PIK3C3: variants seen among roughly 807,000 people sequenced by gnomAD.
The protein encoded by PIK3C3 is PI3-kinase type 3.
Under a neutral mutation model 126.1 loss-of-function variants are expected in PIK3C3, and 95 were observed. The ratio of observed to expected loss-of-function variants is 0.75; its 90% CI spans 0.64 to 0.89. The LOEUF (loss-of-function observed/expected upper bound fraction) is 0.89. Ranked by LOEUF, PIK3C3 falls within the 40% of genes least tolerant of loss-of-function variation. PIK3C3 has a pLI of 0.00. For synonymous variants in PIK3C3, 374 were observed against 360.0 expected (o/e 1.04, Z -0.44); for missense variants, 829 against 1,063.2 (o/e 0.78, Z 3.06).
rs533747289 is a variant in PIK3C3, at chr18:42,010,488, C to A, written c.1171-2954C>A. Among the ~76,000 whole-genome samples, 33 of 152,278 alleles carry A rather than the reference C, an allele frequency of 2.2e-4. No individual in the cohort carries two copies. In the South Asian group the frequency reaches 4.8e-3, roughly 22 times the overall value. On this transcript the variant is annotated intron_variant, in intron 10 of 24. Coordinates refer to ENST00000262039, the MANE Select transcript of PIK3C3 (RefSeq NM_002647.4). ...TCAAGCAAGTCTCCTGCCTCAGCCT[C>A]CCGAGTAGCTGAGATTACAGGCGTA... is the stretch of plus-strand genomic sequence containing the variant.
At chr18:41,957,986 T>C (rs1979878289) in intron 2 of PIK3C3, among the ~76,000 whole-genome samples, 1 of 152,254 alleles carries the variant, frequency 6.6e-6, no homozygotes, top group Non-Finnish European at 1.5e-5. Flanking sequence ...ATTGACATTT[T>C]GATAAGCACT....
chr18:42,015,963 A>G (rs980706910), intron 12 of PIK3C3, among the ~76,000 whole-genome samples: 3 of 152,196 alleles, frequency 2.0e-5, no homozygotes, highest in Admixed American at 1.3e-4. Context: ...TTTTAACTAT[A>G]CATATAAGTA....
chr18:42,056,399 G>A (rs970159509), intron 21 of PIK3C3, among the ~76,000 whole-genome samples: 17 of 152,204 alleles, frequency 1.1e-4, no homozygotes, highest in Non-Finnish European at 8.8e-5. Flanking sequence ...AGTAATTCCT[G>A]TCATGAAATG....
At chr18:41,957,523 T>C (rs1979843717) in intron 1 of PIK3C3, 47 bp from the exon 2 acceptor site, 1 of 1,575,874 alleles carries the variant, frequency 6.3e-7, no homozygotes, top group Non-Finnish European at 8.6e-7. Context: ...TATATGTACA[T>C]GCTTAAAAAA....
intron 15 of PIK3C3, among the ~76,000 whole-genome samples, chr18:42,029,762 C>T (rs1376603224): frequency 1.3e-5 from 2 of 151,738 alleles, no homozygotes; most frequent in African/African-American, 4.8e-5. Context: ...AGGCTGGTCT[C>T]AAACTCCTGA....
chr18:41,991,786 T>A (rs923192569), intron 6 of PIK3C3, among the ~76,000 whole-genome samples: 3 of 152,212 alleles, frequency 2.0e-5, no homozygotes, highest in African/African-American at 7.2e-5. Flanking sequence ...GTTTCTGCCT[T>A]TTATTTTATA....
At chr18:42,004,082 A>G (rs919222222) in intron 9 of PIK3C3, among the ~76,000 whole-genome samples, 2 of 152,186 alleles carry the variant, frequency 1.3e-5, no homozygotes, top group Non-Finnish European at 2.9e-5. Flanking sequence ...TAAAATAACA[A>G]TAGCAAAATG....
chr18:42,039,038 A>G (rs1567995371), intron 18 of PIK3C3, among the ~76,000 whole-genome samples, 188 bp downstream of exon 18: 1 of 152,130 alleles, frequency 6.6e-6, no homozygotes, highest in Non-Finnish European at 1.5e-5. Flanking sequence ...CTACTGATTA[A>G]TGTAACTACT....
chr18:41,989,151 A>G (rs1981647712), intron 5 of PIK3C3, among the ~76,000 whole-genome samples: 1 of 151,932 alleles, frequency 6.6e-6, no homozygotes, highest in African/African-American at 2.4e-5. Context: ...GTACACTGGT[A>G]TGCTTAGTGC....
chr18:42,004,560 T>C lies in PIK3C3; in HGVS notation c.1170+19T>C. 2.6e-6 allele frequency: 4 copies of C among 1,565,250 alleles called. No individual in the cohort carries two copies. The highest frequency in any genetic ancestry group is 3.5e-6 in the Non-Finnish European group (4 of 1,157,776). On this transcript the variant is annotated intron_variant, in intron 10 of 24. Coordinates refer to ENST00000262039, the MANE Select transcript of PIK3C3 (RefSeq NM_002647.4). Reference sequence around the variant, plus strand: ...TGATGAGGTGCATTATTATTTATTATTCTGCTTCAATGGGTCATTTTAAAC... The same window carrying C: ...TGATGAGGTGCATTATTATTTATTACTCTGCTTCAATGGGTCATTTTAAAC...
chr18:42,021,315 C>G (rs1371276621), intron 13 of PIK3C3, among the ~76,000 whole-genome samples: 1 of 152,150 alleles, frequency 6.6e-6, no homozygotes, highest in Non-Finnish European at 1.5e-5. Flanking sequence ...AAGAGAGAAA[C>G]TAAGGCACGG....
Position 42,004,603 on chromosome 18 carries a change from CTA to C in PIK3C3, c.1170+64_1170+65del, listed in dbSNP as rs906778638. The C allele has an allele frequency of 2.3e-6, 3 of 1,307,324 alleles. No homozygotes were observed. The Admixed American group carries it at 7.3e-5, about 32-fold the overall frequency. The allele number at this position is 1,307,324 out of a possible 1,614,324, so 81.0% of individuals were successfully genotyped here. On this transcript the variant is annotated intron_variant, in intron 10 of 24. Transcript: ENST00000262039. ...TTTTAAACTAGAGCCTAATTATAAA[CTA>C]TGTGTGTATGTGTGTGTGAGAGTGA...
chr18:42,067,092 A>G (rs1048309239), intron 23 of PIK3C3, among the ~76,000 whole-genome samples: 52 of 152,306 alleles, frequency 3.4e-4, no homozygotes, highest in African/African-American at 1.2e-3. Context: ...CCTTTAGTTA[A>G]AAGAGCAGTT....
intron 21 of PIK3C3, among the ~76,000 whole-genome samples, chr18:42,053,649 T>C (rs1984904949): frequency 6.6e-6 from 1 of 152,104 alleles, no homozygotes; most frequent in East Asian, 1.9e-4. Context: ...AAAGCTTACT[T>C]AGGGCGATCA....
Position 42,081,261 on chromosome 18 carries a change from ATT to A in PIK3C3, c.*127_*128del. 1 of 606,356 alleles carries A rather than the reference ATT, an allele frequency of 1.6e-6. No individual in the cohort carries two copies. Among genetic ancestry groups the A allele is most frequent in the Non-Finnish European group, 2.9e-6 (1 of 344,172 alleles). 37.6% of individuals were successfully genotyped at this position (606,356 alleles called of 1,614,324 possible). On this transcript the variant is annotated 3_prime_UTR_variant, in exon 25 of 25. Transcript: ENST00000262039. ...GAAATCTTAATCTTCAAGTTACCAT[ATT>A]TTCCAAATATTACATGGTACCTGAG...
At chr18:42,013,673 C>G in intron 11 of PIK3C3, 77 bp downstream of exon 11, 1 of 1,080,006 alleles carries the variant, frequency 9.3e-7, no homozygotes, top group South Asian at 1.4e-5. Context: ...TTTTCCTTTC[C>G]TTAGATGTAC....
chr18:41,970,192 C>T (rs1980586073), intron 3 of PIK3C3, 135 bp from the exon 4 acceptor site: 1 of 699,056 alleles, frequency 1.4e-6, no homozygotes, highest in African/African-American at 1.8e-5. Context: ...CTTTACATTC[C>T]ATTGGGGGCT....
intron 2 of PIK3C3, among the ~76,000 whole-genome samples, chr18:41,960,991 C>T (rs1033280809): frequency 6.6e-6 from 1 of 152,012 alleles, no homozygotes; most frequent in African/African-American, 2.4e-5. Flanking sequence ...ATCTGCCTGC[C>T]TCGGCCTCCC....
intron 4 of PIK3C3, among the ~76,000 whole-genome samples, chr18:41,975,935 C>A (rs951226579): frequency 6.6e-6 from 1 of 152,118 alleles, no homozygotes; most frequent in Admixed American, 6.5e-5. Context: ...CTCCTGACCT[C>A]GTGATCTGCC....
Sources: allele counts gnomAD v4.1 joint callset (sites outside exome capture counted in the v4.1 genomes callset), GRCh38; gene constraint gnomAD v4.1.1; transcripts MANE v1.5; gene names NCBI Gene and HGNC (gene_info 2026-07-23, HGNC 2026-07-21).